Variants in CDH10 observed in about 807,000 individuals in gnomAD.
The protein encoded by CDH10 is cadherin-10.
Under a neutral mutation model 73.1 loss-of-function variants are expected in CDH10, and 30 were observed. The ratio of observed to expected loss-of-function variants is 0.41; its 90% CI spans 0.31 to 0.56. The LOEUF (loss-of-function observed/expected upper bound fraction) is 0.56. Ranked by LOEUF, CDH10 falls within the 20% of genes least tolerant of loss-of-function variation. The probability of loss-of-function intolerance (pLI) is 0.27; values close to 1 mark genes in which losing one functional copy is unlikely to be tolerated. For synonymous variants in CDH10, 345 were observed against 348.2 expected (o/e 0.99, Z 0.10); for missense variants, 815 against 973.7 (o/e 0.84, Z 2.17).
chr5:24,569,691 T>G (rs909339683), intron 2 of CDH10, among the ~76,000 whole-genome samples: 4 of 152,080 alleles, frequency 2.6e-5, no homozygotes, highest in African/African-American at 9.7e-5. Context: ...AGATACATAC[T>G]CTTTTTTCAA....
chr5:24,542,545 G>C (rs1561151666), intron 2 of CDH10, among the ~76,000 whole-genome samples: 1 of 152,124 alleles, frequency 6.6e-6, no homozygotes, highest in African/African-American at 2.4e-5. Flanking sequence ...TATGTAGAAG[G>C]TTATACCATC....
intron 2 of CDH10, among the ~76,000 whole-genome samples, chr5:24,557,104 G>T (rs1847841): frequency 0.83 from 125,605 of 151,574 alleles, 52,077 homozygotes; most frequent in East Asian, 0.9. Flanking sequence ...CATGTGGGAG[G>T]GGGGTGGAAT....
At chr5:24,600,507 C>T (rs1487059331) in intron 1 of CDH10, among the ~76,000 whole-genome samples, 20 of 152,234 alleles carry the variant, frequency 1.3e-4, no homozygotes. Context: ...ATGAAAAGAG[C>T]ACCTAATCCA....
At chr5:24,628,340 A>T (rs2112187853) in intron 1 of CDH10, among the ~76,000 whole-genome samples, 1 of 152,294 alleles carries the variant, frequency 6.6e-6, no homozygotes, top group Admixed American at 6.5e-5. Context: ...TAAACATATT[A>T]AAGACATTTT....
In CDH10 at chr5:24,608,571, G is replaced by A. The variant is rs1032329230; in HGVS notation, c.-123-14958C>T. On this transcript the variant is annotated intron_variant, in intron 1 of 11. Coordinates refer to ENST00000264463, the MANE Select transcript of CDH10 (RefSeq NM_006727.5). ...CTCCCAAAGTGCCAGAATTACAGGC[G>A]TGAGCCACCGCACCTGGCCTACATT... Among the ~76,000 whole-genome samples, 15 of 152,274 alleles carry A rather than the reference G, an allele frequency of 9.9e-5. No homozygotes were observed. In the East Asian group the frequency reaches 2.7e-3, roughly 27 times the overall value.
intron 2 of CDH10, among the ~76,000 whole-genome samples, chr5:24,553,242 T>A (rs1201957149): frequency 6.6e-6 from 1 of 152,162 alleles, no homozygotes; most frequent in Non-Finnish European, 1.5e-5. Flanking sequence ...GAGAAGCTTT[T>A]GTTTGTCCAT....
chr5:24,568,971 G>A (rs144544875), intron 2 of CDH10, among the ~76,000 whole-genome samples: 1 of 151,926 alleles, frequency 6.6e-6, no homozygotes, highest in African/African-American at 2.4e-5. Context: ...TTAGCTGTCC[G>A]TGGTGGCAGG....
At chr5:24,568,177 T>G (rs1218721917) in intron 2 of CDH10, among the ~76,000 whole-genome samples, 1 of 151,800 alleles carries the variant, frequency 6.6e-6, no homozygotes, top group East Asian at 1.9e-4. Context: ...ACAAAAAACA[T>G]AGGATAGAAA....
At chr5:24,503,736 T>C (rs981325737) in intron 8 of CDH10, among the ~76,000 whole-genome samples, 15 of 152,194 alleles carry the variant, frequency 9.9e-5, no homozygotes, top group African/African-American at 3.6e-4. Context: ...GTTACTAAAG[T>C]TCCCAGAGCC....
intron 1 of CDH10, among the ~76,000 whole-genome samples, chr5:24,633,301 C>T (rs1334538170): frequency 6.6e-6 from 1 of 151,728 alleles, no homozygotes; most frequent in South Asian, 2.1e-4. Context: ...TACATTACTA[C>T]TTTATAAAAA....
intron 1 of CDH10, among the ~76,000 whole-genome samples, chr5:24,632,124 G>T (rs1208154679): frequency 6.6e-6 from 1 of 151,994 alleles, no homozygotes; most frequent in Admixed American, 6.6e-5. Flanking sequence ...AATTGAGAAG[G>T]AAGTAGATAT....
At chr5:24,589,970 G>A (rs1002763146) in intron 2 of CDH10, among the ~76,000 whole-genome samples, 4 of 151,944 alleles carry the variant, frequency 2.6e-5, no homozygotes, top group African/African-American at 9.7e-5. Context: ...TAAAGAGAGG[G>A]GAGTGAGTAT....
chr5:24,509,240 CTT>C (rs35903930), intron 7 of CDH10, among the ~76,000 whole-genome samples: 5 of 85,320 alleles, frequency 5.9e-5, no homozygotes, highest in Non-Finnish European at 1.0e-4. Flanking sequence ...CTCCTTTTTC[CTT>C]TTTTTTTTTT....
At chr5:24,623,701 C>A (rs1362972393) in intron 1 of CDH10, among the ~76,000 whole-genome samples, 1 of 152,134 alleles carries the variant, frequency 6.6e-6, no homozygotes, top group Non-Finnish European at 1.5e-5. Flanking sequence ...TCTTACCTTG[C>A]AGAAAAGGAA....
chr5:24,563,689 G>A (rs1169514769), intron 2 of CDH10, among the ~76,000 whole-genome samples: 2 of 148,184 alleles, frequency 1.3e-5, no homozygotes, highest in Admixed American at 1.4e-4. Context: ...AGAAAGGCCT[G>A]AACCTGGGAG....
At chr5:24,539,862 C>G (rs564891076) in intron 2 of CDH10, among the ~76,000 whole-genome samples, 326 of 152,202 alleles carry the variant, frequency 2.1e-3, no homozygotes, top group African/African-American at 7.2e-3. Context: ...ATGTGCAACA[C>G]AGTGGCAATT....
Position 24,633,294 on chromosome 5 carries a change from A to T in CDH10, c.-124+11300T>A, listed in dbSNP as rs577510473. Among the ~76,000 whole-genome samples, 45 of 151,968 alleles carry T rather than the reference A, an allele frequency of 3.0e-4. No individual in the cohort carries two copies. In the South Asian group the frequency reaches 8.9e-3, roughly 30 times the overall value. ...ATAGGTCTTCCTCTTCTGCAAGTAC[A>T]TTACTACTTTATAAAAAACCCAGTC... is the stretch of plus-strand genomic sequence containing the variant. On this transcript the variant is annotated intron_variant, in intron 1 of 11. Transcript: ENST00000264463.
chr5:24,519,278 A>G (rs759386534), intron 5 of CDH10, among the ~76,000 whole-genome samples: 28 of 152,240 alleles, frequency 1.8e-4, no homozygotes, highest in African/African-American at 5.8e-4. Context: ...AATTTTAGCA[A>G]AAGTTTAGTT....
intron 8 of CDH10, among the ~76,000 whole-genome samples, chr5:24,499,055 G>A (rs970847941): frequency 6.6e-6 from 1 of 152,056 alleles, no homozygotes; most frequent in Non-Finnish European, 1.5e-5. Flanking sequence ...ACTTATCTAA[G>A]GTCCTTCGCT....
Sources: allele counts gnomAD v4.1 joint callset (sites outside exome capture counted in the v4.1 genomes callset), GRCh38; gene constraint gnomAD v4.1.1; transcripts MANE v1.5; gene names NCBI Gene and HGNC (gene_info 2026-07-23, HGNC 2026-07-21).